The following TRPM3 variants were observed in gnomAD, a reference collection of about 807,000 sequenced individuals.
TRPM3 encodes the protein transient receptor potential cation channel subfamily M member 3.
A neutral mutation model predicts 181.2 loss-of-function variants in TRPM3; 77 were observed. That is an observed-to-expected ratio of 0.42 (90% CI 0.35 to 0.51). TRPM3 has a LOEUF of 0.51. Ranked by LOEUF, TRPM3 falls within the 20% of genes least tolerant of loss-of-function variation. The pLI is 0.01. For missense variants in TRPM3, 1,759 were observed against 2,196.7 expected (o/e 0.80, Z 3.98); for synonymous variants, 745 against 796.4 (o/e 0.94, Z 1.09).
At position 70,843,134 on chromosome 9, in the gene TRPM3, A is replaced by AT. The variant is rs111825966; in HGVS notation, c.677-8_677-7insA. The AT allele has an allele frequency of 2.3e-5, 36 of 1,596,256 alleles. 1 individual carries two copies. In the South Asian group the frequency reaches 4.0e-4, roughly 18 times the overall value. On this transcript the variant is annotated splice_region_variant and splice_polypyrimidine_tract_variant and intron_variant, in intron 4 of 25. Coordinates refer to ENST00000677713, the MANE Select transcript of TRPM3 (RefSeq NM_001366145.2). The stretch of plus-strand genomic sequence containing the variant: ...CCAACATGACGAATAACACCTAAAA[A>AT]AAAAAGAGAAGCATTGATTTTTTCT...
intron 21 of TRPM3, among the ~76,000 whole-genome samples, chr9:70,594,518 G>A (rs1000371623): frequency 2.0e-5 from 3 of 152,162 alleles, no homozygotes; most frequent in African/African-American, 7.2e-5. Flanking sequence ...TTATGTAAGT[G>A]AGCTTAGTAC....
chr9:71,167,209 A>T (rs921206785), intron 1 of TRPM3, among the ~76,000 whole-genome samples: 4 of 152,226 alleles, frequency 2.6e-5, no homozygotes, highest in African/African-American at 9.6e-5. Context: ...ACAGAACAAC[A>T]TTCAGATCAT....
intron 1 of TRPM3, among the ~76,000 whole-genome samples, chr9:71,320,050 G>A (rs963516537): frequency 6.6e-6 from 1 of 151,888 alleles, no homozygotes; most frequent in South Asian, 2.1e-4. Flanking sequence ...ATGGGAATAT[G>A]AGTAAGGGTT....
At position 71,232,402 on chromosome 9, in the gene TRPM3, T is replaced by C; in HGVS notation, c.183+214251A>G. On this transcript the variant is annotated intron_variant, in intron 1 of 24. Coordinates refer to the TRPM3 transcript ENST00000357533. Reference sequence around the variant, plus strand: ...ATGATCTACCATCTAATTTCTGATCTATTCACTATAAAAATTGTGTGTTGA... The same window carrying C: ...ATGATCTACCATCTAATTTCTGATCCATTCACTATAAAAATTGTGTGTTGA... Among the ~76,000 whole-genome samples, 2 of 151,800 alleles carry C rather than the reference T, an allele frequency of 1.3e-5. 1 individual carries two copies. The highest frequency in any genetic ancestry group is 3.9e-4 in the East Asian group (2 of 5,192).
chr9:71,007,068 GA>G (rs1214741785), intron 1 of TRPM3, among the ~76,000 whole-genome samples: 1 of 65,744 alleles, frequency 1.5e-5, no homozygotes, highest in East Asian at 4.1e-4. Context: ...AAAAAAGAAA[GA>G]AAAAAAAGAC....
chr9:71,145,916 T>C (rs938629965), intron 1 of TRPM3, among the ~76,000 whole-genome samples: 1 of 150,252 alleles, frequency 6.7e-6, no homozygotes, highest in African/African-American at 2.5e-5. Context: ...CAAGTTTGGT[T>C]AAAAAAAAAA....
intron 1 of TRPM3, among the ~76,000 whole-genome samples, chr9:71,020,254 C>G (rs142537187): frequency 1.3e-5 from 2 of 151,856 alleles, no homozygotes; most frequent in Non-Finnish European, 1.5e-5. Flanking sequence ...ATCACTTGAG[C>G]CCAGAAGTTC....
chr9:70,556,187 G>C (rs1409357307), intron 22 of TRPM3, among the ~76,000 whole-genome samples: 1 of 151,210 alleles, frequency 6.6e-6, no homozygotes, highest in East Asian at 1.9e-4. Context: ...CCTCTGCTTG[G>C]TTCCTCAAAG....
chr9:70,648,233 G>A (rs956693291), intron 9 of TRPM3, among the ~76,000 whole-genome samples: 5 of 152,170 alleles, frequency 3.3e-5, no homozygotes, highest in African/African-American at 1.2e-4. Flanking sequence ...CCAGCATTTT[G>A]GGAGATGGAG....
At chr9:70,862,840 A>C in intron 3 of TRPM3, 68 bp downstream of exon 3, 3,824 of 1,493,566 alleles carry the variant, frequency 2.6e-3, no homozygotes, top group Non-Finnish European at 3.3e-3. Context: ...TCATGCTCTT[A>C]ACCACCCCTT....
At chr9:71,147,340 T>C (rs2075468180) in intron 1 of TRPM3, among the ~76,000 whole-genome samples, 1 of 151,914 alleles carries the variant, frequency 6.6e-6, no homozygotes, top group Non-Finnish European at 1.5e-5. Context: ...TTTAATGGAC[T>C]TGCTTCTTGC....
intron 1 of TRPM3, among the ~76,000 whole-genome samples, chr9:71,408,014 C>T (rs2093470209): frequency 6.6e-6 from 1 of 152,198 alleles, no homozygotes; most frequent in African/African-American, 2.4e-5. Context: ...ATGGTCCTGA[C>T]TGTTAGAAGG....
At chr9:70,572,114 T>TTGTGTGTGTGTGTG (rs58492210) in intron 22 of TRPM3, among the ~76,000 whole-genome samples, 119 of 149,966 alleles carry the variant, frequency 7.9e-4, no homozygotes, top group African/African-American at 2.6e-3. Flanking sequence ...TCCCAGTTAC[T>TTGTGTGTGTGTGTG]TGTGTGTGTG....
At chr9:70,945,386 T>C (rs2096923129) in intron 1 of TRPM3, among the ~76,000 whole-genome samples, 2 of 152,196 alleles carry the variant, frequency 1.3e-5, no homozygotes, top group African/African-American at 2.4e-5. Flanking sequence ...GTAGTTGGTC[T>C]GTTATATATT....
At chr9:71,119,364 A>G (rs545766566) in intron 1 of TRPM3, among the ~76,000 whole-genome samples, 1 of 152,296 alleles carries the variant, frequency 6.6e-6, no homozygotes, top group South Asian at 2.1e-4. Flanking sequence ...CTGTATGCCA[A>G]TGAAAGTATG....
chr9:71,390,995 GAC>G (rs1430479237), intron 1 of TRPM3, among the ~76,000 whole-genome samples: 1 of 151,948 alleles, frequency 6.6e-6, no homozygotes, highest in Admixed American at 6.6e-5. Context: ...AAGGTACTGA[GAC>G]ACAAAGTCAG....
chr9:70,637,038 G>A (rs1462449617), intron 11 of TRPM3, among the ~76,000 whole-genome samples: 4 of 152,044 alleles, frequency 2.6e-5, no homozygotes, highest in South Asian at 4.1e-4. Context: ...TATGAAATGC[G>A]GCAACGACCT....
At chr9:71,023,596 A>G (rs1343319060) in intron 1 of TRPM3, among the ~76,000 whole-genome samples, 1 of 152,168 alleles carries the variant, frequency 6.6e-6, no homozygotes, top group Non-Finnish European at 1.5e-5. Flanking sequence ...GTCCTTCAAC[A>G]GGTGGCATGT....
chr9:71,070,265 G>T (rs941865960), intron 1 of TRPM3, among the ~76,000 whole-genome samples: 1 of 152,160 alleles, frequency 6.6e-6, no homozygotes, highest in Non-Finnish European at 1.5e-5. Context: ...CATGCGGCAG[G>T]GTTTCTGCAT....
Sources: gnomAD v4.1 joint callset for allele counts (sites outside exome capture counted in the v4.1 genomes callset) on GRCh38, gnomAD v4.1.1 for gene constraint, MANE v1.5 for transcripts, NCBI Gene and HGNC (gene_info 2026-07-23, HGNC 2026-07-21) for gene names.